Variants in MSH3 observed in about 807,000 individuals in gnomAD.
MSH3 encodes DNA mismatch repair protein Msh3.
In MSH3, 106 loss-of-function variants were observed where a neutral mutation model predicts 123.3. The ratio of observed to expected loss-of-function variants is 0.86; its 90% CI spans 0.73 to 1.01. MSH3 has a LOEUF of 1.01. MSH3 is among the 50% of genes least tolerant of loss of function. The pLI, the probability that MSH3 is intolerant of heterozygous loss-of-function variation, is 0.00. For synonymous variants in MSH3, 515 were observed against 481.4 expected, an observed-to-expected ratio of 1.07 and a Z score of -0.91; for missense variants, 1,459 against 1,347.6, an observed-to-expected ratio of 1.08 and a Z score of -1.29.
intron 12 of MSH3, among the ~76,000 whole-genome samples, chr5:80,759,308 A>AAATGATAG (rs1214166658): frequency 1.3e-5 from 2 of 152,224 alleles, no homozygotes; most frequent in Non-Finnish European, 2.9e-5. Context: ...TAGTAAAGGG[A>AAATGATAG]TTAAGTCTGG....
chr5:80,809,420 C>A (rs1224860455), intron 19 of MSH3, among the ~76,000 whole-genome samples: 2 of 152,102 alleles, frequency 1.3e-5, no homozygotes, highest in Non-Finnish European at 2.9e-5. Flanking sequence ...CCAAATTGAA[C>A]AATAAGTATA....
chr5:80,675,825 A>C (rs1290494385), intron 7 of MSH3, among the ~76,000 whole-genome samples: 1 of 152,198 alleles, frequency 6.6e-6, no homozygotes, highest in Non-Finnish European at 1.5e-5. Flanking sequence ...CACTAAGCCA[A>C]CACAAGCATG....
chr5:80,831,396 C>A (rs1041134018), intron 20 of MSH3, among the ~76,000 whole-genome samples: 5 of 152,078 alleles, frequency 3.3e-5, no homozygotes, highest in African/African-American at 1.2e-4. Context: ...GCTTTCCAGG[C>A]TTTTTTAAAG....
chr5:80,715,707 A>G (rs1378665829), intron 8 of MSH3, among the ~76,000 whole-genome samples: 1 of 152,138 alleles, frequency 6.6e-6, no homozygotes, highest in Non-Finnish European at 1.5e-5. Flanking sequence ...GTGAAGGGGA[A>G]GCAGGCAAGT....
At chr5:80,783,981 AGGT>A (rs535689822) in intron 17 of MSH3, among the ~76,000 whole-genome samples, 103 of 152,122 alleles carry the variant, frequency 6.8e-4, no homozygotes, top group African/African-American at 2.4e-3. Context: ...AGACTGAGAC[AGGT>A]GGACTGCTTG....
At chr5:80,821,535 A>G (rs775024228) in intron 20 of MSH3, among the ~76,000 whole-genome samples, 1 of 152,246 alleles carries the variant, frequency 6.6e-6, no homozygotes, top group African/African-American at 2.4e-5. Flanking sequence ...TAATTAATTA[A>G]TAAAGAATTA....
At chr5:80,839,170 C>G (rs1375510252) in intron 20 of MSH3, among the ~76,000 whole-genome samples, 1 of 152,078 alleles carries the variant, frequency 6.6e-6, no homozygotes, top group Non-Finnish European at 1.5e-5. Context: ...AGTTTGAGAC[C>G]AGCATGGCCA....
chr5:80,760,456 T>G (rs1177757145), intron 12 of MSH3, among the ~76,000 whole-genome samples: 2 of 152,212 alleles, frequency 1.3e-5, no homozygotes, highest in Non-Finnish European at 2.9e-5. Flanking sequence ...ACTGATCTCC[T>G]ATGTATCTGA....
intron 10 of MSH3, among the ~76,000 whole-genome samples, chr5:80,730,157 T>A (rs1403105045): frequency 1.3e-5 from 2 of 152,214 alleles, no homozygotes; most frequent in Non-Finnish European, 2.9e-5. Context: ...TGTGCTATAT[T>A]CATGCAATGT....
rs190367251 is a variant in MSH3 at position 80,748,917 on chromosome 5, T to G, written c.1763+4302T>G. On this transcript the variant is annotated intron_variant, in intron 12 of 23. Transcript: ENST00000265081. ...AAATAATTAATTTCCAAGGCAGATT[T>G]GTTTATCTTAGAGGTATTCCACTTT... Among the ~76,000 whole-genome samples, 261 of 152,232 alleles carry G rather than the reference T, an allele frequency of 1.7e-3. 2 individuals carry two copies. Among genetic ancestry groups the G allele is most frequent in the African/African-American group, 6.0e-3 (248 of 41,544 alleles).
chr5:80,683,743 T>C (rs926866759), intron 8 of MSH3, among the ~76,000 whole-genome samples: 4 of 151,930 alleles, frequency 2.6e-5, no homozygotes, highest in African/African-American at 9.7e-5. Context: ...TTGGTTGCCC[T>C]ATTAAGAAAT....
intron 19 of MSH3, among the ~76,000 whole-genome samples, chr5:80,793,725 A>G (rs558170507): frequency 1.3e-5 from 2 of 152,324 alleles, no homozygotes; most frequent in South Asian, 2.1e-4. Context: ...GTGTTCAGAG[A>G]TAAGGAAGAG....
At chr5:80,691,939 A>G (rs867918219) in intron 8 of MSH3, among the ~76,000 whole-genome samples, 1 of 74,998 alleles carries the variant, frequency 1.3e-5, no homozygotes, top group Non-Finnish European at 2.3e-5. Context: ...ATAAACATGT[A>G]TATGTTTATA....
chr5:80,824,317 G>A (rs1745253025), intron 20 of MSH3, among the ~76,000 whole-genome samples: 1 of 151,900 alleles, frequency 6.6e-6, no homozygotes, highest in Non-Finnish European at 1.5e-5. Context: ...CGGCTGGGCG[G>A]AGGCGCCCCC....
At chr5:80,819,542 G>A (rs75493865) in intron 20 of MSH3, among the ~76,000 whole-genome samples, 15 of 149,024 alleles carry the variant, frequency 1.0e-4, no homozygotes, top group East Asian at 7.9e-4. Flanking sequence ...GCAATGACAC[G>A]ATCCCAGGAT....
chr5:80,715,352 A>C (rs1294891116), intron 8 of MSH3: 1 of 152,196 alleles, frequency 6.6e-6, no homozygotes, highest in East Asian at 1.9e-4. Flanking sequence ...TGATCGGGGA[A>C]AGTTTCACTG....
At chr5:80,849,865 G>A (rs1745798800) in intron 20 of MSH3, among the ~76,000 whole-genome samples, 1 of 152,100 alleles carries the variant, frequency 6.6e-6, no homozygotes, top group Admixed American at 6.5e-5. Context: ...TCTGCACCTG[G>A]CTTGAATTTC....
intron 19 of MSH3, among the ~76,000 whole-genome samples, chr5:80,795,953 C>T (rs1744692630): frequency 6.7e-6 from 1 of 149,776 alleles, no homozygotes; most frequent in Non-Finnish European, 1.5e-5. Context: ...CGCTGCACTC[C>T]AGCCTGAGCA....
rs182825229 is a variant in MSH3 at position 80,695,866 on chromosome 5, A to T, written c.1340+16773A>T. Among the ~76,000 whole-genome samples, 687 of 152,116 alleles carry T rather than the reference A, an allele frequency of 4.5e-3. 3 individuals are homozygous for T. The highest frequency in any genetic ancestry group is 8.3e-3 in the Non-Finnish European group (566 of 68,004). ...GGAGGTTTTCCTGTTATTTGGTATG[A>T]TGAGTGATTTTTGGTTGGAACCAGT... is the stretch of plus-strand genomic sequence containing the variant. On this transcript the variant is annotated intron_variant, in intron 8 of 23. Transcript: ENST00000265081.
Sources: gnomAD v4.1 joint callset for allele counts (sites outside exome capture counted in the v4.1 genomes callset) on GRCh38, gnomAD v4.1.1 for gene constraint, MANE v1.5 for transcripts, NCBI Gene and HGNC (gene_info 2026-07-23, HGNC 2026-07-21) for gene names.